The following BLTP3A variants were observed in gnomAD, a reference collection of about 807,000 sequenced individuals.
The protein encoded by BLTP3A is ICBP90 binding protein 1.
chr6:34,819,271 A>C, the BLTP3A span, among the ~76,000 whole-genome samples: 1 of 150,406 alleles, frequency 6.6e-6, no homozygotes, highest in Admixed American at 6.6e-5. Context: ...GTCATCTAGC[A>C]TTACGTATAT....
the BLTP3A span, among the ~76,000 whole-genome samples, chr6:34,814,046 T>C: frequency 6.6e-6 from 1 of 151,902 alleles, no homozygotes; most frequent in Non-Finnish European, 1.5e-5. Context: ...AGACAGAGTC[T>C]CGCTATGTCG....
chr6:34,862,394 T>A, the BLTP3A span, among the ~76,000 whole-genome samples: 5 of 150,444 alleles, frequency 3.3e-5, no homozygotes, highest in African/African-American at 9.8e-5. Flanking sequence ...AAAATAATAA[T>A]AAAATAAAAT....
chr6:34,805,622 G>T, the BLTP3A span, among the ~76,000 whole-genome samples: 5 of 149,618 alleles, frequency 3.3e-5, no homozygotes, highest in East Asian at 2.0e-4. Context: ...GATAAGCTGG[G>T]TGTGGTGGTG....
chr6:34,822,253 A>T, the BLTP3A span, among the ~76,000 whole-genome samples: 5 of 139,634 alleles, frequency 3.6e-5, no homozygotes, highest in Admixed American at 7.2e-5. Context: ...TTCCCTTGAA[A>T]TTTTTTTTTT....
At chr6:34,832,593 G>A in the BLTP3A span, among the ~76,000 whole-genome samples, 4 of 151,802 alleles carry the variant, frequency 2.6e-5, no homozygotes, top group East Asian at 3.9e-4. Flanking sequence ...GCACCACCAC[G>A]ACCTGGCTAA....
At chr6:34,795,699 C>G in the BLTP3A span, among the ~76,000 whole-genome samples, 1 of 152,102 alleles carries the variant, frequency 6.6e-6, no homozygotes, top group Non-Finnish European at 1.5e-5. Flanking sequence ...CCGTGCCTGG[C>G]CTGAACATAT....
chr6:34,809,658 C>T, the BLTP3A span, among the ~76,000 whole-genome samples: 34 of 152,160 alleles, frequency 2.2e-4, no homozygotes, highest in Admixed American at 5.9e-4. Flanking sequence ...CTCTGCCTCC[C>T]GGGTTCAAGC....
chr6:34,801,980 A>G, the BLTP3A span, among the ~76,000 whole-genome samples: 12 of 151,862 alleles, frequency 7.9e-5, no homozygotes, highest in East Asian at 1.9e-4. Flanking sequence ...CTCATGATCC[A>G]CCCACCTCGG....
the BLTP3A span, among the ~76,000 whole-genome samples, chr6:34,797,388 C>T: frequency 6.6e-6 from 1 of 152,138 alleles, no homozygotes; most frequent in African/African-American, 2.4e-5. Context: ...GCAAATTTAG[C>T]CCTCTTAGTT....
At chr6:34,862,527 C>T in the BLTP3A span, among the ~76,000 whole-genome samples, 1 of 151,356 alleles carries the variant, frequency 6.6e-6, no homozygotes, top group South Asian at 2.1e-4. Flanking sequence ...TCTCAGAATC[C>T]CCTGCAGGGT....
chr6:34,867,219 A>G, the BLTP3A span: 5 of 1,599,636 alleles, frequency 3.1e-6, no homozygotes, highest in Admixed American at 5.3e-5. Flanking sequence ...CCTCTTTTTC[A>G]TGCAGAGTCT....
the BLTP3A span, chr6:34,834,317 T>C: frequency 1.9e-6 from 3 of 1,613,966 alleles, no homozygotes; most frequent in East Asian, 2.2e-5. Flanking sequence ...TTCTTTTGAA[T>C]TGTGGCAGCT....
At chr6:34,828,895 C>T in the BLTP3A span, among the ~76,000 whole-genome samples, 2 of 151,686 alleles carry the variant, frequency 1.3e-5, no homozygotes, top group Non-Finnish European at 2.9e-5. Flanking sequence ...GGCGTGGTGG[C>T]GCATGCCTGT....
chr6:34,858,636 C>G, the BLTP3A span: 6 of 1,614,206 alleles, frequency 3.7e-6, no homozygotes, highest in Non-Finnish European at 5.1e-6. Context: ...GAAGTCCTGT[C>G]CAGTCTGAGG....
chr6:34,844,934 A>G, the BLTP3A span, among the ~76,000 whole-genome samples: 1 of 152,150 alleles, frequency 6.6e-6, no homozygotes, highest in African/African-American at 2.4e-5. Context: ...TGCCCAGACC[A>G]ATGTTGTGGA....
chr6:34,794,157 CA>C, the BLTP3A span, among the ~76,000 whole-genome samples: 57 of 143,544 alleles, frequency 4.0e-4, no homozygotes, highest in South Asian at 1.3e-3. Flanking sequence ...GAGACTGTCT[CA>C]AAAAAAAAAA....
the BLTP3A span, among the ~76,000 whole-genome samples, chr6:34,820,299 G>A: frequency 6.6e-6 from 1 of 151,940 alleles, no homozygotes; most frequent in African/African-American, 2.4e-5. Flanking sequence ...CTGTGTGGGG[G>A]TCCTTTCCTA....
the BLTP3A span, among the ~76,000 whole-genome samples, chr6:34,805,332 C>T: frequency 6.6e-6 from 1 of 151,906 alleles, no homozygotes; most frequent in Non-Finnish European, 1.5e-5. Flanking sequence ...GTAGCTCACA[C>T]CTGTAATCCT....
the BLTP3A span, chr6:34,823,454 A>T: frequency 2.3e-6 from 2 of 871,374 alleles, no homozygotes; most frequent in Non-Finnish European, 3.7e-6. Flanking sequence ...AACTTACACT[A>T]AAGTAAAGAA....
Sources: allele counts gnomAD v4.1 joint callset (sites outside exome capture counted in the v4.1 genomes callset), GRCh38; gene constraint gnomAD v4.1.1; transcripts MANE v1.5; gene names NCBI Gene and HGNC (gene_info 2026-07-23, HGNC 2026-07-21).